Variants in SLC11A2 observed in about 807,000 individuals in gnomAD.
SLC11A2 encodes solute carrier family 11 member 2, also known as natural resistance-associated macrophage protein 2.
In SLC11A2, 38 loss-of-function variants were observed where a neutral mutation model predicts 68.0. The observed-to-expected ratio is 0.56, with a 90% CI of 0.43 to 0.73. The LOEUF (loss-of-function observed/expected upper bound fraction) is 0.73, where lower values mean the gene tolerates loss of function less well. Among genes scored for constraint, SLC11A2 ranks in the 30% least tolerant of loss-of-function variants. SLC11A2 has a pLI of 0.00. For missense variants in SLC11A2, 517 were observed against 690.5 expected, an observed-to-expected ratio of 0.75 and a Z score of 2.82; for synonymous variants, 242 against 250.6, an observed-to-expected ratio of 0.97 and a Z score of 0.32.
chr12:50,983,224 G>A (rs540684852), downstream of SLC11A2, among the ~76,000 whole-genome samples: 2 of 152,246 alleles, frequency 1.3e-5, no homozygotes, highest in Admixed American at 1.3e-4. Context: ...ATGTTTCCTA[G>A]GCTGGCTATG....
intron 2 of SLC11A2, among the ~76,000 whole-genome samples, chr12:51,009,777 G>T (rs1158927199): frequency 6.6e-6 from 1 of 152,176 alleles, no homozygotes; most frequent in Admixed American, 6.5e-5. Flanking sequence ...TTTATCCTGG[G>T]TCTGGGAATA....
the SLC11A2 span, among the ~76,000 whole-genome samples, chr12:50,969,539 A>C: frequency 6.6e-6 from 1 of 151,944 alleles, no homozygotes; most frequent in East Asian, 1.9e-4. Flanking sequence ...GTCTGTACTA[A>C]AAATACAAAA....
intron 1 of SLC11A2, among the ~76,000 whole-genome samples, chr12:51,011,099 G>A (rs1943179507): frequency 6.6e-6 from 1 of 151,066 alleles, no homozygotes; most frequent in Non-Finnish European, 1.5e-5. Flanking sequence ...TGAACAGGAG[G>A]TATTTTAGTG....
intron 3 of SLC11A2, among the ~76,000 whole-genome samples, chr12:51,006,687 C>G (rs1387236861): frequency 6.6e-6 from 1 of 152,136 alleles, no homozygotes; most frequent in East Asian, 1.9e-4. Context: ...GTCTTCACAA[C>G]CCCTCATTTT....
chr12:50,987,357 C>T lies in SLC11A2; in HGVS notation c.*968G>A, dbSNP rs1414589608. ...ATCTTGGGCATGAAGCAGAGCGGTG[C>T]ATCAGAAAAACATGACGATTCTGCT... is the stretch of plus-strand genomic sequence containing the variant. On this transcript the variant is annotated 3_prime_UTR_variant, in exon 16 of 16. Coordinates refer to ENST00000262052, the MANE Select transcript of SLC11A2 (RefSeq NM_000617.3). 1.6e-6 allele frequency: 2 copies of T among 1,287,176 alleles called. No individual in the cohort carries two copies. The highest frequency in any genetic ancestry group is 2.3e-5 in the Admixed American group (1 of 43,538). 79.7% of individuals were successfully genotyped at this position (1,287,176 alleles called of 1,614,324 possible).
the SLC11A2 span, among the ~76,000 whole-genome samples, chr12:50,969,555 C>T: frequency 2.0e-5 from 3 of 151,912 alleles, no homozygotes; most frequent in Non-Finnish European, 4.4e-5. Flanking sequence ...CAAAAATTAG[C>T]TGGGCATGGT....
At position 51,008,561 on chromosome 12, in the gene SLC11A2, T is replaced by C. The variant is rs1942948257; in HGVS notation, c.98A>G (p.Asn33Ser). Reference sequence around the variant, plus strand: ...CCCAGGGGACTGTGAAAGAGAGGGATTACTATAGGCAGGGTTGATGTTACC... The same window carrying C: ...CCCAGGGGACTGTGAAAGAGAGGGACTACTATAGGCAGGGTTGATGTTACC... Reference protein sequence around the residue: ...SLGNINPAYSNPSLSQSPGDS... With the variant: ...SLGNINPAYSSPSLSQSPGDS... The change falls in exon 3 of 16, where the codon AAT becomes AGT. Residue 33 changes from asparagine (N) to serine (S), a missense_variant. By Grantham distance (46) the Asn-to-Ser change is conservative. Transcript: ENST00000262052. 6.2e-7 allele frequency: 1 copy of C among 1,611,726 alleles called. No homozygotes were observed. Among genetic ancestry groups the C allele is most frequent in the South Asian group, 1.1e-5 (1 of 91,046 alleles).
chr12:50,999,933 G>A (rs1471621118), intron 6 of SLC11A2, among the ~76,000 whole-genome samples: 2 of 152,084 alleles, frequency 1.3e-5, no homozygotes, highest in African/African-American at 2.4e-5. Context: ...GCTTGAACCT[G>A]GGAGGCGGAG....
At chr12:50,998,921 G>T (rs1404905996) in intron 8 of SLC11A2, among the ~76,000 whole-genome samples, 1 of 152,054 alleles carries the variant, frequency 6.6e-6, no homozygotes, top group Non-Finnish European at 1.5e-5. Flanking sequence ...TGGGACCAAA[G>T]AATCTAGTCT....
chr12:50,971,473 T>G, the SLC11A2 span, among the ~76,000 whole-genome samples: 2 of 152,186 alleles, frequency 1.3e-5, no homozygotes, highest in South Asian at 4.1e-4. Flanking sequence ...AACACATTTC[T>G]TTTTCCTGAG....
Position 50,986,952 on chromosome 12 carries a change from T to C in SLC11A2, c.*1373A>G. ...GGAAAGCTCCAAAAATGAGAAGTCC[T>C]TCAACACCATTTTCCATTACTGTTC... On this transcript the variant is annotated 3_prime_UTR_variant, in exon 16 of 16. Coordinates refer to ENST00000262052, the MANE Select transcript of SLC11A2 (RefSeq NM_000617.3). The C allele has an allele frequency of 7.8e-7, 1 of 1,287,230 alleles. No homozygotes were observed. The highest frequency in any genetic ancestry group is 1.0e-6 in the Non-Finnish European group (1 of 988,696). The allele number at this position is 1,287,230 out of a possible 1,614,324, so 79.7% of individuals were successfully genotyped here.
At position 51,026,348 on chromosome 12, in the gene SLC11A2, G is replaced by A. The variant is rs1417160196; in HGVS notation, c.-77C>T. 1.6e-6 allele frequency: 2 copies of A among 1,280,524 alleles called. No individual in the cohort carries two copies. Among genetic ancestry groups the A allele is most frequent in the Non-Finnish European group, 2.0e-6 (2 of 983,598 alleles). The allele number at this position is 1,280,524 out of a possible 1,614,324, so 79.3% of individuals were successfully genotyped here. ...CAACCACCTGACACGCCGCCCCCGC[G>A]CCCAGGGCTCCATATTCCGGGAGCC... On this transcript the variant is annotated 5_prime_UTR_variant, in exon 1 of 16. Coordinates refer to ENST00000262052, the MANE Select transcript of SLC11A2 (RefSeq NM_000617.3).
the SLC11A2 span, among the ~76,000 whole-genome samples, chr12:50,959,023 AAAAC>A: frequency 6.6e-6 from 1 of 152,074 alleles, no homozygotes; most frequent in African/African-American, 2.4e-5. Context: ...TCTCAAAAGA[AAAAC>A]AAACAAAAAA....
rs1195558468 is a variant in SLC11A2, at chr12:50,987,547, G to C, written c.*778C>G. 7.8e-7 allele frequency: 1 copy of C among 1,287,160 alleles called. No individual in the cohort carries two copies. Among genetic ancestry groups the C allele is most frequent in the East Asian group, 5.5e-5 (1 of 18,026 alleles). 79.7% of individuals were successfully genotyped at this position (1,287,160 alleles called of 1,614,324 possible). ...AGGTTTTACAACCACATGTGCTCAA[G>C]AGTAAATATCATCAGGAAAGCTCTG... On this transcript the variant is annotated 3_prime_UTR_variant, in exon 16 of 16. Transcript: ENST00000262052.
chr12:51,012,297 T>C (rs1943295143), intron 1 of SLC11A2, among the ~76,000 whole-genome samples: 1 of 152,086 alleles, frequency 6.6e-6, no homozygotes, highest in African/African-American at 2.4e-5. Context: ...GCAAGCTCAC[T>C]TGGGAACAGA....
chr12:51,001,981 C>T (rs1259876116), intron 5 of SLC11A2, among the ~76,000 whole-genome samples: 1 of 152,168 alleles, frequency 6.6e-6, no homozygotes, highest in African/African-American at 2.4e-5. Context: ...CCAAACAATA[C>T]AGCTGAAAAT....
At chr12:50,992,368 G>A in intron 12 of SLC11A2, 29 bp from the exon 13 acceptor site, 1 of 1,611,496 alleles carries the variant, frequency 6.2e-7, no homozygotes, top group Non-Finnish European at 8.5e-7. Flanking sequence ...GCAGATGACT[G>A]TCTGCAACAG....
chr12:50,964,831 T>A, the SLC11A2 span, among the ~76,000 whole-genome samples: 4 of 152,256 alleles, frequency 2.6e-5, no homozygotes, highest in Non-Finnish European at 5.9e-5. Flanking sequence ...AAGATCCATC[T>A]GTCTTCTGCC....
At chr12:50,965,413 G>A in the SLC11A2 span, among the ~76,000 whole-genome samples, 4 of 151,588 alleles carry the variant, frequency 2.6e-5, no homozygotes, top group South Asian at 2.1e-4. Context: ...GTCAGCCACC[G>A]TGCCCAGCCA....
Sources: allele counts gnomAD v4.1 joint callset (sites outside exome capture counted in the v4.1 genomes callset), GRCh38; gene constraint gnomAD v4.1.1; transcripts MANE v1.5; gene names NCBI Gene and HGNC (gene_info 2026-07-23, HGNC 2026-07-21).